The following DPH6 variants were observed in gnomAD, a reference collection of about 807,000 sequenced individuals.
DPH6 encodes the protein diphthamine biosynthesis 6, also known as diphthine--ammonia ligase.
Under a neutral mutation model 38.2 loss-of-function variants are expected in DPH6, and 33 were observed. The ratio of observed to expected loss-of-function variants is 0.86; its 90% CI spans 0.65 to 1.15. The LOEUF is 1.15. Among genes scored for constraint, DPH6 ranks in the 50% most tolerant of loss-of-function variants. DPH6 has a pLI of 0.00. For missense variants in DPH6, 325 were observed against 320.0 expected (o/e 1.02, Z -0.12); for synonymous variants, 108 against 103.0 (o/e 1.05, Z -0.30).
chr15:35,507,769 T>A (rs2054714346), intron 3 of DPH6, among the ~76,000 whole-genome samples: 1 of 152,102 alleles, frequency 6.6e-6, no homozygotes, highest in South Asian at 2.1e-4. Context: ...CTCTGGAGGT[T>A]AGACTGTCAT....
At position 35,475,665 on chromosome 15, in the gene DPH6, T is replaced by G. The variant is rs114469871; in HGVS notation, c.313-20845A>C. Among the ~76,000 whole-genome samples the G allele has an allele frequency of 7.4e-3, 1,130 of 151,960 alleles. 12 individuals are homozygous for G. The highest frequency in any genetic ancestry group is 0.026 in the African/African-American group (1,089 of 41,524). On this transcript the variant is annotated intron_variant, in intron 3 of 8. Transcript: ENST00000256538. ...AAAATTATGATGTTACTCTGAAATA[T>G]TTCCTATTCTGATAGTTGTATTACA...
exon 4 of DPH6, chr15:35,220,481 T>C (rs2051435669): frequency 6.6e-6 from 1 of 152,092 alleles, no homozygotes; most frequent in African/African-American, 2.4e-5. Flanking sequence ...TCCACCCTCA[T>C]GAATGAACTC....
chr15:35,283,200 T>G (rs1424027044), intron 3 of DPH6, among the ~76,000 whole-genome samples: 1 of 147,584 alleles, frequency 6.8e-6, no homozygotes, highest in Admixed American at 6.7e-5. Context: ...TCTCTTCTTC[T>G]TCTTTCTTCC....
the DPH6 span, among the ~76,000 whole-genome samples, chr15:35,208,083 G>T: frequency 8.4e-3 from 1,276 of 152,078 alleles, 10 homozygotes; most frequent in Non-Finnish European, 0.012. Flanking sequence ...GGATAAGTAA[G>T]AAGAAATACA....
intron 3 of DPH6, among the ~76,000 whole-genome samples, chr15:35,349,587 C>T (rs753838542): frequency 2.7e-4 from 41 of 152,100 alleles, no homozygotes; most frequent in Non-Finnish European, 5.4e-4. Context: ...GCGTGTGCCA[C>T]CACACCTGGC....
At chr15:35,447,517 T>C (rs2053871170) in intron 5 of DPH6, among the ~76,000 whole-genome samples, 1 of 152,050 alleles carries the variant, frequency 6.6e-6, no homozygotes, top group Non-Finnish European at 1.5e-5. Flanking sequence ...TCAACGGTTG[T>C]ATTATAAACC....
chr15:35,327,921 T>C (rs1223627773), downstream of DPH6, among the ~76,000 whole-genome samples: 2 of 152,194 alleles, frequency 1.3e-5, no homozygotes, highest in African/African-American at 4.8e-5. Flanking sequence ...CTTGACTCTT[T>C]AGTTATTTGC....
At chr15:35,384,478 C>G (rs1016102612) in intron 6 of DPH6, among the ~76,000 whole-genome samples, 1 of 152,022 alleles carries the variant, frequency 6.6e-6, no homozygotes, top group African/African-American at 2.4e-5. Flanking sequence ...ATGCTAATAG[C>G]CTTCAAAGTC....
At chr15:35,430,239 C>A (rs2053615208) in intron 5 of DPH6, among the ~76,000 whole-genome samples, 2 of 152,056 alleles carry the variant, frequency 1.3e-5, no homozygotes, top group South Asian at 4.1e-4. Context: ...CTATCAGCAG[C>A]ATTTTCTTTT....
chr15:35,309,230 A>G (rs1156531728), intron 3 of DPH6, among the ~76,000 whole-genome samples: 1 of 152,240 alleles, frequency 6.6e-6, no homozygotes, highest in Non-Finnish European at 1.5e-5. Context: ...AATGGGTCAA[A>G]CATAATTTGG....
chr15:35,145,834 C>T, the DPH6 span, among the ~76,000 whole-genome samples: 1 of 152,160 alleles, frequency 6.6e-6, no homozygotes, highest in African/African-American at 2.4e-5. Flanking sequence ...ACTTCTCTCT[C>T]CATCTATCTA....
At chr15:35,177,989 A>C in the DPH6 span, among the ~76,000 whole-genome samples, 32 of 152,164 alleles carry the variant, frequency 2.1e-4, no homozygotes, top group African/African-American at 7.7e-4. Context: ...GTACCTATTT[A>C]TGGGATATAA....
chr15:35,355,303 TA>T (rs1655786893), intron 3 of DPH6, among the ~76,000 whole-genome samples: 1 of 152,204 alleles, frequency 6.6e-6, no homozygotes, highest in Non-Finnish European at 1.5e-5. Context: ...TTAATATTGT[TA>T]TGTGTGAATT....
At chr15:35,334,132 T>C (rs1009558367) in intron 3 of DPH6, among the ~76,000 whole-genome samples, 1 of 152,028 alleles carries the variant, frequency 6.6e-6, no homozygotes, top group Non-Finnish European at 1.5e-5. Flanking sequence ...TATTTAAAAA[T>C]GGAAGAGGGA....
chr15:35,188,308 GA>G, the DPH6 span, among the ~76,000 whole-genome samples: 1 of 152,232 alleles, frequency 6.6e-6, no homozygotes, highest in Middle Eastern at 3.4e-3. Context: ...ACGGGTAAGG[GA>G]AAAATGCCTC....
At chr15:35,417,735 C>A (rs1355826401) in intron 5 of DPH6, among the ~76,000 whole-genome samples, 1 of 152,014 alleles carries the variant, frequency 6.6e-6, no homozygotes, top group Non-Finnish European at 1.5e-5. Flanking sequence ...TAAAATCCAT[C>A]TTACATATCC....
intron 6 of DPH6, chr15:35,400,794 G>T: frequency 1.3e-6 from 1 of 759,240 alleles, no homozygotes. Context: ...TCCATTCTGA[G>T]CAATGGGGAA....
the DPH6 span, among the ~76,000 whole-genome samples, chr15:35,184,472 GT>G: frequency 1.3e-5 from 2 of 152,014 alleles, no homozygotes; most frequent in African/African-American, 4.8e-5. Flanking sequence ...CCAAGTAGGG[GT>G]TAACTCTCCC....
intron 6 of DPH6, among the ~76,000 whole-genome samples, chr15:35,395,745 G>C (rs1377830495): frequency 6.6e-6 from 1 of 152,124 alleles, no homozygotes; most frequent in Admixed American, 6.6e-5. Flanking sequence ...ACTTTACCTA[G>C]TTAAATTTAT....
Sources: gnomAD v4.1 joint callset for allele counts (sites outside exome capture counted in the v4.1 genomes callset) on GRCh38, gnomAD v4.1.1 for gene constraint, MANE v1.5 for transcripts, NCBI Gene and HGNC (gene_info 2026-07-23, HGNC 2026-07-21) for gene names.